The following FOXF1 variants were observed in gnomAD, a reference collection of about 807,000 sequenced individuals.
The protein encoded by FOXF1 is forkhead box protein F1.
FOXF1 carries 9 observed loss-of-function variants against 26.6 expected under a neutral mutation model. The observed-to-expected ratio is 0.34, with a 90% CI of 0.20 to 0.59. The LOEUF (loss-of-function observed/expected upper bound fraction) is 0.59. Ranked by LOEUF, FOXF1 falls within the 20% of genes least tolerant of loss-of-function variation. The probability of loss-of-function intolerance (pLI) is 0.83; values close to 1 mark genes in which losing one functional copy is unlikely to be tolerated. For synonymous variants in FOXF1, 330 were observed against 257.7 expected, an observed-to-expected ratio of 1.28 and a Z score of -2.69; for missense variants, 499 against 549.9, an observed-to-expected ratio of 0.91 and a Z score of 0.93.
intron 1 of FOXF1, among the ~76,000 whole-genome samples, chr16:86,512,508 C>T (rs1365031250): frequency 6.6e-6 from 1 of 152,262 alleles, no homozygotes; most frequent in African/African-American, 2.4e-5. Context: ...GCTGGCCCTG[C>T]ACTGGCCTCT....
At chr16:86,512,323 A>G (rs1053479205) in intron 1 of FOXF1, among the ~76,000 whole-genome samples, 1 of 151,788 alleles carries the variant, frequency 6.6e-6, no homozygotes, top group Non-Finnish European at 1.5e-5. Flanking sequence ...CTGCAGGCCC[A>G]GCTCTGGAAA....
rs1418740594 is a variant in FOXF1, at chr16:86,513,827, CCT to C, written c.*745_*746del. On this transcript the variant is annotated 3_prime_UTR_variant, in exon 2 of 2. Coordinates refer to ENST00000262426, the MANE Select transcript of FOXF1 (RefSeq NM_001451.3). ...TGTTCCTCCTCTTCCTTCGCTTCAGCCTCTTCTGTTATGTTTTGTCTTGAATT... is the reference window on the plus strand; with the variant it reads ...TGTTCCTCCTCTTCCTTCGCTTCAGCCTTCTGTTATGTTTTGTCTTGAATT... The C allele has an allele frequency of 6.6e-6, 1 of 152,356 alleles. No individual in the cohort carries two copies. Among genetic ancestry groups the C allele is most frequent in the Non-Finnish European group, 1.5e-5 (1 of 68,102 alleles). 9.4% of individuals were successfully genotyped at this position (152,356 alleles called of 1,614,324 possible). A position where few individuals can be genotyped will look rare whatever the true frequency, so the allele number is the denominator to read the frequency against.
rs1038851798 is a variant in FOXF1 at position 86,514,702 on chromosome 16, C to T, written c.*1617C>T. On this transcript the variant is annotated 3_prime_UTR_variant, in exon 2 of 2. Transcript: ENST00000262426. ...TTTTTAAGAAGAGCCCTTTGCCCCT[C>T]TAAATGTCATTGATCGTTTTAAAGA... 2.0e-5 allele frequency: 3 copies of T among 152,046 alleles called. No individual in the cohort carries two copies. The highest frequency in any genetic ancestry group is 4.4e-5 in the Non-Finnish European group (3 of 68,038). 9.4% of individuals were successfully genotyped at this position (152,046 alleles called of 1,614,324 possible).
In FOXF1 at chr16:86,513,007, T is replaced by C; in HGVS notation, c.1062T>C (p.Ser354=). ...FVFSFNAMAS[S]SMHSAGGGSY... ...TCTCTTTCAACGCCATGGCGTCCTCTTCCATGCACTCGGCCGGCGGGGGCT... is the reference window on the plus strand; with the variant it reads ...TCTCTTTCAACGCCATGGCGTCCTCCTCCATGCACTCGGCCGGCGGGGGCT... The change falls in exon 2 of 2, where the codon TCT becomes TCC. Residue 354 remains serine, a synonymous_variant. Coordinates refer to ENST00000262426, the MANE Select transcript of FOXF1 (RefSeq NM_001451.3). 4 of 1,614,054 alleles carry C rather than the reference T, an allele frequency of 2.5e-6. No individual in the cohort carries two copies. The highest frequency in any genetic ancestry group is 3.4e-6 in the Non-Finnish European group (4 of 1,180,026).
At position 86,513,523 on chromosome 16, in the gene FOXF1, T is replaced by C. The variant is rs961885875; in HGVS notation, c.*438T>C. The C allele has an allele frequency of 5.8e-6, 1 of 173,582 alleles. No individual in the cohort carries two copies. The highest frequency in any genetic ancestry group is 5.6e-5 in the Admixed American group (1 of 17,708). The allele number at this position is 173,582 out of a possible 1,614,324, so 10.8% of individuals were successfully genotyped here. On this transcript the variant is annotated 3_prime_UTR_variant, in exon 2 of 2. Transcript: ENST00000262426. ...TTATCAAATACTTTTATTTTTTGGT[T>C]GAGTATTTATCTTTTTATTTTTTAT...
At chr16:86,512,879 C>T (rs1453918648) in intron 1 of FOXF1, 46 bp from the exon 2 acceptor site, 1 of 1,611,650 alleles carries the variant, frequency 6.2e-7, no homozygotes, top group African/African-American at 1.3e-5. Flanking sequence ...GCCACCGTGG[C>T]TAACTCTTCT....
chr16:86,511,334 G>T lies in FOXF1; in HGVS notation c.765G>T (p.Gly255=). Residue 255 remains glycine (G), a synonymous_variant, in exon 1 of 2, where the codon GGG becomes GGT. Coordinates refer to ENST00000262426, the MANE Select transcript of FOXF1 (RefSeq NM_001451.3). Reference sequence around the variant, plus strand: ...CGCTGCTGCCCACCGGCGCCGGTGGGGTCATGGAGCCGCACGCCGTCTACT... The same window carrying T: ...CGCTGCTGCCCACCGGCGCCGGTGGTGTCATGGAGCCGCACGCCGTCTACT... ...ASPLLPTGAG[G]VMEPHAVYSG... is the part of the protein sequence containing the mutation. 6.5e-7 allele frequency: 1 copy of T among 1,532,576 alleles called. No individual in the cohort carries two copies. The highest frequency in any genetic ancestry group is 1.2e-5 in the South Asian group (1 of 83,652). 94.9% of individuals were successfully genotyped at this position (1,532,576 alleles called of 1,614,324 possible).
chr16:86,510,995 C>T lies in FOXF1; in HGVS notation c.426C>T (p.Arg142=), dbSNP rs774703216. The T allele has an allele frequency of 1.9e-6, 3 of 1,613,002 alleles. No homozygotes were observed. Among genetic ancestry groups the T allele is most frequent in the Non-Finnish European group, 2.5e-6 (3 of 1,179,994 alleles). ...FEEGSFRRRP[R]GFRRKCQALK... is the part of the protein sequence containing the mutation. ...AGGGCTCCTTTCGGCGGCGGCCGCG[C>T]GGCTTCCGAAGGAAATGCCAGGCGC... Residue 142 remains arginine (R), a synonymous_variant, in exon 1 of 2, where the codon CGC becomes CGT. Coordinates refer to ENST00000262426, the MANE Select transcript of FOXF1 (RefSeq NM_001451.3).
intron 1 of FOXF1, among the ~76,000 whole-genome samples, chr16:86,512,294 G>A (rs1235789507): frequency 6.6e-6 from 1 of 151,614 alleles, no homozygotes; most frequent in Non-Finnish European, 1.5e-5. Flanking sequence ...TCCTGATTCT[G>A]CCCCAGGCCC....
Position 86,514,925 on chromosome 16 carries a change from C to G in FOXF1, c.*1840C>G, listed in dbSNP as rs1000705848. ...AGTTTTACTTTGGGTTTCCGACTTT[C>G]TTGTTCTCTTGCTGTAGCTGTTATA... On this transcript the variant is annotated 3_prime_UTR_variant, in exon 2 of 2. Coordinates refer to ENST00000262426, the MANE Select transcript of FOXF1 (RefSeq NM_001451.3). 2 of 152,052 alleles carry G rather than the reference C, an allele frequency of 1.3e-5. No individual in the cohort carries two copies. Among genetic ancestry groups the G allele is most frequent in the African/African-American group, 4.8e-5 (2 of 41,388 alleles). The allele number at this position is 152,052 out of a possible 1,614,324, so 9.4% of individuals were successfully genotyped here.
intron 1 of FOXF1, among the ~76,000 whole-genome samples, chr16:86,512,611 T>C (rs989140929): frequency 1.3e-5 from 2 of 152,210 alleles, no homozygotes; most frequent in Admixed American, 6.5e-5. Context: ...GGCCCTCCAC[T>C]TGGTCTCCCT....
At chr16:86,511,907 C>T (rs1421401879) in intron 1 of FOXF1, among the ~76,000 whole-genome samples, 3 of 152,228 alleles carry the variant, frequency 2.0e-5, no homozygotes, top group Non-Finnish European at 4.4e-5. Context: ...GGACCCAAGG[C>T]TCCCAGCGCT....
rs1400691777 is a variant in FOXF1, at chr16:86,513,259, T to C, written c.*174T>C. ...CCAATGCAAAGACACAGCGCTGCGGTTGGCACCTCCTTCCTCACTCCTTCA... is the reference window on the plus strand; with the variant it reads ...CCAATGCAAAGACACAGCGCTGCGGCTGGCACCTCCTTCCTCACTCCTTCA... On this transcript the variant is annotated 3_prime_UTR_variant, in exon 2 of 2. Coordinates refer to ENST00000262426, the MANE Select transcript of FOXF1 (RefSeq NM_001451.3). 1.6e-5 allele frequency: 10 copies of C among 637,744 alleles called. No individual in the cohort carries two copies. The Admixed American group carries it at 2.4e-4, about 15-fold the overall frequency. The allele number at this position is 637,744 out of a possible 1,614,324, so 39.5% of individuals were successfully genotyped here.
Position 86,510,918 on chromosome 16 carries a change from G to A in FOXF1, c.349G>A (p.Gly117Ser), listed in dbSNP as rs754649288. 3.1e-6 allele frequency: 5 copies of A among 1,613,802 alleles called. No homozygotes were observed. Among genetic ancestry groups the A allele is most frequent in the Non-Finnish European group, 4.2e-6 (5 of 1,180,024 alleles). Residue 117 changes from glycine (G) to serine (S), a missense_variant, in exon 1 of 2, where the codon GGC becomes AGC. Physicochemically the swap from Gly to Ser is moderately conservative, Grantham distance 56. This residue lies in a region of FOXF1 where 36 missense variants were observed against 73.7 expected (regional missense o/e 0.49). Coordinates refer to ENST00000262426, the MANE Select transcript of FOXF1 (RefSeq NM_001451.3). ...IKLPKGLGRP[G>S]KGHYWTIDPA... ...GCTACCCAAGGGCCTTGGGCGGCCC[G>A]GCAAGGGCCACTACTGGACCATCGA...
Position 86,514,726 on chromosome 16 carries a change from G to A in FOXF1, c.*1641G>A, listed in dbSNP as rs897202450. ...TCTAAATGTCATTGATCGTTTTAAAGAAATAAACTTTTAAAGAACACTATA... is the reference window on the plus strand; with the variant it reads ...TCTAAATGTCATTGATCGTTTTAAAAAAATAAACTTTTAAAGAACACTATA... On this transcript the variant is annotated 3_prime_UTR_variant, in exon 2 of 2. Coordinates refer to ENST00000262426, the MANE Select transcript of FOXF1 (RefSeq NM_001451.3). 6.6e-6 allele frequency: 1 copy of A among 152,056 alleles called. No homozygotes were observed. Among genetic ancestry groups the A allele is most frequent in the Admixed American group, 6.6e-5 (1 of 15,260 alleles). 9.4% of individuals were successfully genotyped at this position (152,056 alleles called of 1,614,324 possible). A position where few individuals can be genotyped will look rare whatever the true frequency, so the allele number is the denominator to read the frequency against.
rs1969593217 is a variant in FOXF1, at chr16:86,513,062, G to C, written c.1117G>C (p.Asp373His). The C allele has an allele frequency of 6.2e-7, 1 of 1,612,686 alleles. No individual in the cohort carries two copies. The highest frequency in any genetic ancestry group is 1.1e-5 in the South Asian group (1 of 91,086). The change falls in exon 2 of 2, where the codon GAC becomes CAC. Residue 373 changes from aspartate (D) to histidine (H), a missense_variant. Asp to His is a moderately conservative substitution (Grantham distance 81, BLOSUM62 -1). Coordinates refer to ENST00000262426, the MANE Select transcript of FOXF1 (RefSeq NM_001451.3). ...SYYHQQVTYQDIKPCVM is the reference protein window; with the variant it reads ...SYYHQQVTYQHIKPCVM ...CTACCACCAGCAGGTCACCTACCAA[G>C]ACATCAAGCCTTGCGTGATGTGAGG... is the stretch of plus-strand genomic sequence containing the variant.
chr16:86,510,749 C>A lies in FOXF1; in HGVS notation c.180C>A (p.Ala60=). Residue 60 remains alanine (A), a synonymous_variant, in exon 1 of 2, where the codon GCC becomes GCA. Coordinates refer to ENST00000262426, the MANE Select transcript of FOXF1 (RefSeq NM_001451.3). ...PYSYIALIVM[A]IQSSPTKRLT... is the part of the protein sequence containing the mutation. ...CCTACATCGCGCTCATCGTCATGGC[C>A]ATCCAGAGTTCACCCACCAAGCGCC... 3 of 1,614,100 alleles carry A rather than the reference C, an allele frequency of 1.9e-6. No homozygotes were observed. Among genetic ancestry groups the A allele is most frequent in the Non-Finnish European group, 2.5e-6 (3 of 1,180,038 alleles).
In FOXF1 at chr16:86,513,362, C is replaced by A. The variant is rs1370028614; in HGVS notation, c.*277C>A. On this transcript the variant is annotated 3_prime_UTR_variant, in exon 2 of 2. Coordinates refer to ENST00000262426, the MANE Select transcript of FOXF1 (RefSeq NM_001451.3). The stretch of plus-strand genomic sequence containing the variant: ...AATAAAAGTTTTTGATCCTGTTGAA[C>A]CCGCCTGAGACGGTGCTGTGCAGGG... 1 of 472,626 alleles carries A rather than the reference C, an allele frequency of 2.1e-6. No homozygotes were observed. Among genetic ancestry groups the A allele is most frequent in the African/African-American group, 2.1e-5 (1 of 48,464 alleles). 29.3% of individuals were successfully genotyped at this position (472,626 alleles called of 1,614,324 possible). A position where few individuals can be genotyped will look rare whatever the true frequency, so the allele number is the denominator to read the frequency against.
chr16:86,511,252 G>T lies in FOXF1; in HGVS notation c.683G>T (p.Cys228Phe). Reference sequence around the variant, plus strand: ...GGCGGCCACTCGTACATGGGCGGCTGCGGCGGCGCGGCGGCCGGCGAGTAC... The same window carrying T: ...GGCGGCCACTCGTACATGGGCGGCTTCGGCGGCGCGGCGGCCGGCGAGTAC... ...SNGGHSYMGG[C>F]GGAAAGEYPH... The change falls in exon 1 of 2, where the codon TGC becomes TTC. Residue 228 changes from cysteine (C) to phenylalanine (F), a missense_variant. By Grantham distance (205) the Cys-to-Phe change is radical (BLOSUM62 -2). This residue lies in a region of FOXF1 where 367 missense variants were observed against 324.8 expected (regional missense o/e 1.13). Coordinates refer to ENST00000262426, the MANE Select transcript of FOXF1 (RefSeq NM_001451.3). The T allele has an allele frequency of 6.6e-7, 1 of 1,519,164 alleles. No homozygotes were observed. The highest frequency in any genetic ancestry group is 1.4e-5 in the African/African-American group (1 of 72,288). 94.1% of individuals were successfully genotyped at this position (1,519,164 alleles called of 1,614,324 possible).
Sources: gnomAD v4.1 joint callset for allele counts (sites outside exome capture counted in the v4.1 genomes callset) on GRCh38, gnomAD v4.1.1 for gene constraint, gnomAD v4.1.1 regional missense constraint, MANE v1.5 for transcripts, NCBI Gene and HGNC (gene_info 2026-07-23, HGNC 2026-07-21) for gene names.